Variants in SGO1 observed in about 807,000 individuals in gnomAD.
The protein encoded by SGO1 is shugoshin 1.
A neutral mutation model predicts 50.5 loss-of-function variants in SGO1; 39 were observed. The ratio of observed to expected loss-of-function variants is 0.77; its 90% CI spans 0.60 to 1.01. The LOEUF is 1.01. Ranked by LOEUF, SGO1 falls within the 50% of genes least tolerant of loss-of-function variation. The pLI is 0.00. For synonymous variants in SGO1, 191 were observed against 205.1 expected (o/e 0.93, Z 0.59); for missense variants, 638 against 606.0 (o/e 1.05, Z -0.55).
chr3:20,169,461 A>C (rs1197112310), downstream of SGO1: 1 of 982,618 alleles, frequency 1.0e-6, no homozygotes, highest in Non-Finnish European at 1.2e-6. Flanking sequence ...TTGATATTTA[A>C]AGAATAGAAG....
exon 9 of SGO1, chr3:20,161,194 T>G (rs1700020164): frequency 6.2e-7 from 1 of 1,608,506 alleles, no homozygotes. Flanking sequence ...AAAATAAAAA[T>G]TGCTTCTTTG....
chr3:20,175,576 C>T (rs1313901104), intron 5 of SGO1, among the ~76,000 whole-genome samples: 2 of 152,008 alleles, frequency 1.3e-5, no homozygotes, highest in African/African-American at 4.8e-5. Context: ...GCGGGCAGAT[C>T]ACGAGGTCAG....
chr3:20,161,041 G>A, exon 9 of SGO1: 22 of 1,607,266 alleles, frequency 1.4e-5, no homozygotes, highest in Non-Finnish European at 1.9e-5. Context: ...TCTATTAAAG[G>A]TCTGCATACA....
rs1700600288 is a variant in SGO1 at position 20,170,475 on chromosome 3, T to C, written c.*229A>G. The C allele has an allele frequency of 9.1e-7, 1 of 1,100,644 alleles. No individual in the cohort carries two copies. The highest frequency in any genetic ancestry group is 5.0e-5 in the Admixed American group (1 of 19,994). 68.2% of individuals were successfully genotyped at this position (1,100,644 alleles called of 1,614,324 possible). On this transcript the variant is annotated 3_prime_UTR_variant, in exon 8 of 8. Transcript: ENST00000412997. ...TAAGAAATCGATATGATGATAATGC[T>C]TAAGCTCAGTTATTTATATTCAAAA...
Position 20,174,273 on chromosome 3 carries a change from A to G in SGO1, c.1258T>C (p.Ser420Pro), listed in dbSNP as rs1701101131. The change falls in exon 6 of 8, where the codon TCT (serine) becomes CCT (proline). Residue 420 changes from serine (S) to proline (P), a missense_variant. Transcript: ENST00000412997. ...CTGGTAGGAGTTTTTGTTGGCTTAGAACCCTCCGTCTCTTTTTCATCTGTG... is the reference window on the plus strand; with the variant it reads ...CTGGTAGGAGTTTTTGTTGGCTTAGGACCCTCCGTCTCTTTTTCATCTGTG... Reference protein sequence around the residue: ...KYTDEKETEGSKPTKTPTTTP... With the variant: ...KYTDEKETEGPKPTKTPTTTP... 1 of 1,613,956 alleles carries G rather than the reference A, an allele frequency of 6.2e-7. No individual in the cohort carries two copies. Among genetic ancestry groups the G allele is most frequent in the Non-Finnish European group, 8.5e-7 (1 of 1,179,982 alleles).
Position 20,174,739 on chromosome 3 carries a change from C to T in SGO1, c.792G>A (p.Thr264=), listed in dbSNP as rs767024970. The T allele has an allele frequency of 1.2e-5, 19 of 1,613,724 alleles. No homozygotes were observed. The highest frequency in any genetic ancestry group is 5.5e-5 in the South Asian group (5 of 91,080). Residue 264 remains threonine, a synonymous_variant, in exon 6 of 8, where the codon ACG becomes ACA. Coordinates refer to ENST00000412997, the MANE Select transcript of SGO1 (RefSeq NM_001199251.3). ...AAATGTCTTCTTTTGTTTTAGTAAA[C>T]GTTCCTGGCTGAATCAGCTTTGGTG... ...NLSPKLIQPG[T]FTKTKEDILE...
chr3:20,171,333 G>A (rs1220243902), intron 6 of SGO1, 101 bp from the exon 7 acceptor site: 6 of 974,850 alleles, frequency 6.2e-6, no homozygotes, highest in Non-Finnish European at 8.6e-6. Flanking sequence ...ACAAAATCCA[G>A]CATTTAATAA....
At chr3:20,166,182 C>T (rs1012763439), downstream of SGO1, among the ~76,000 whole-genome samples, 4 of 152,090 alleles carry the variant, frequency 2.6e-5, no homozygotes, top group African/African-American at 9.7e-5. Flanking sequence ...TCAAAGGACA[C>T]TATCAACAGA....
At chr3:20,172,725 G>C (rs1700890518) in intron 6 of SGO1, among the ~76,000 whole-genome samples, 1 of 149,760 alleles carries the variant, frequency 6.7e-6, no homozygotes. Flanking sequence ...CAAGGCAGGA[G>C]GACTGCTTTA....
At chr3:20,180,616 G>A (rs765339941) in intron 3 of SGO1, among the ~76,000 whole-genome samples, 1 of 152,138 alleles carries the variant, frequency 6.6e-6, no homozygotes, top group Non-Finnish European at 1.5e-5. Flanking sequence ...AGTAGGAACA[G>A]GGGCCATTCT....
intron 3 of SGO1, among the ~76,000 whole-genome samples, chr3:20,178,994 T>C (rs1420294723): frequency 1.8e-4 from 27 of 152,200 alleles, no homozygotes; most frequent in Non-Finnish European, 3.4e-4. Flanking sequence ...GAGGTCATCA[T>C]TGCATATCTG....
In SGO1 at chr3:20,185,948, C is replaced by T. The variant is rs1702619679; in HGVS notation, c.-8G>A. Reference sequence around the variant, plus strand: ...GGATCACTACGCCCTTGTTTCGCACCTTAAAACCTACTTCTTCCTCTTTCA... The same window carrying T: ...GGATCACTACGCCCTTGTTTCGCACTTTAAAACCTACTTCTTCCTCTTTCA... On this transcript the variant is annotated splice_region_variant and 5_prime_UTR_variant, in exon 1 of 8. Coordinates refer to ENST00000412997, the MANE Select transcript of SGO1 (RefSeq NM_001199251.3). 1 of 152,218 alleles carries T rather than the reference C, an allele frequency of 6.6e-6. No homozygotes were observed. The highest frequency in any genetic ancestry group is 1.5e-5 in the Non-Finnish European group (1 of 68,052). The allele number at this position is 152,218 out of a possible 1,614,324, so 9.4% of individuals were successfully genotyped here.
exon 9 of SGO1, chr3:20,160,965 T>G: frequency 7.8e-7 from 1 of 1,288,710 alleles, no homozygotes; most frequent in South Asian, 1.4e-5. Flanking sequence ...TTTTATTATG[T>G]ATGTAGGCTG....
Position 20,180,240 on chromosome 3 carries a change from T to TA in SGO1, c.340-1894dup, listed in dbSNP as rs1701854462. 2.0e-5 allele frequency among the ~76,000 whole-genome samples: 3 copies of TA among 152,114 alleles called. No homozygotes were observed. In the South Asian group the frequency reaches 6.2e-4, roughly 32 times the overall value. ...AGGTCAAGCCTGCAGTAAGCCATGA[T>TA]ATGCCACTGCACTTCAGTCTAGGCA... On this transcript the variant is annotated intron_variant, in intron 3 of 7. Coordinates refer to ENST00000412997, the MANE Select transcript of SGO1 (RefSeq NM_001199251.3).
Position 20,170,233 on chromosome 3 carries a change from T to A in SGO1, c.*471A>T. On this transcript the variant is annotated 3_prime_UTR_variant, in exon 8 of 8. Transcript: ENST00000412997. ...GACCAACATGGAGAAACCCTGTCTCTACTAAAAATACAAAATTAGCCGGGC... is the reference window on the plus strand; with the variant it reads ...GACCAACATGGAGAAACCCTGTCTCAACTAAAAATACAAAATTAGCCGGGC... 2.0e-6 allele frequency: 1 copy of A among 498,594 alleles called. No individual in the cohort carries two copies. The highest frequency in any genetic ancestry group is 2.6e-6 in the Non-Finnish European group (1 of 385,258). 30.9% of individuals were successfully genotyped at this position (498,594 alleles called of 1,614,324 possible). A position where few individuals can be genotyped will look rare whatever the true frequency, so the allele number is the denominator to read the frequency against.
Position 20,170,450 on chromosome 3 carries a change from T to C in SGO1, c.*254A>G, listed in dbSNP as rs971647318. The C allele has an allele frequency of 3.8e-6, 4 of 1,044,300 alleles. No individual in the cohort carries two copies. Among genetic ancestry groups the C allele is most frequent in the Non-Finnish European group, 4.6e-6 (4 of 868,604 alleles). The allele number at this position is 1,044,300 out of a possible 1,614,324, so 64.7% of individuals were successfully genotyped here. A position where few individuals can be genotyped will look rare whatever the true frequency, so the allele number is the denominator to read the frequency against. ...CTAAAATTAAGAGGTTTAGGCAGCA[T>C]AAGAAATCGATATGATGATAATGCT... On this transcript the variant is annotated 3_prime_UTR_variant, in exon 8 of 8. Transcript: ENST00000412997.
intron 1 of SGO1, among the ~76,000 whole-genome samples, chr3:20,184,745 A>T (rs1276404060): frequency 6.6e-6 from 1 of 152,244 alleles, no homozygotes; most frequent in Non-Finnish European, 1.5e-5. Context: ...AATTATGAAC[A>T]TAACAAATCA....
At chr3:20,172,684 A>G (rs1260579681) in intron 6 of SGO1, among the ~76,000 whole-genome samples, 1 of 150,874 alleles carries the variant, frequency 6.6e-6, no homozygotes, top group African/African-American at 2.4e-5. Flanking sequence ...ATACAGGCTC[A>G]CACATCTGTA....
At chr3:20,172,783 C>T (rs2125283650) in intron 6 of SGO1, among the ~76,000 whole-genome samples, 1 of 102,192 alleles carries the variant, frequency 9.8e-6, no homozygotes, top group Middle Eastern at 5.4e-3. Flanking sequence ...ACCTCATCTT[C>T]ACAAAAAGTA....
Sources: allele counts gnomAD v4.1 joint callset (sites outside exome capture counted in the v4.1 genomes callset), GRCh38; gene constraint gnomAD v4.1.1; transcripts MANE v1.5; gene names NCBI Gene and HGNC (gene_info 2026-07-23, HGNC 2026-07-21).